CEP112: variants seen among roughly 807,000 people sequenced by gnomAD.
The protein encoded by CEP112 is centrosomal protein of 112 kDa.
A neutral mutation model predicts 153.0 loss-of-function variants in CEP112; 127 were observed. The observed-to-expected ratio is 0.83, with a 90% CI of 0.72 to 0.96. The LOEUF is 0.96. Ranked by LOEUF, CEP112 falls within the 40% of genes least tolerant of loss-of-function variation. The probability of loss-of-function intolerance (pLI) is 0.00; values close to 1 mark genes in which losing one functional copy is unlikely to be tolerated. For synonymous variants in CEP112, 358 were observed against 374.4 expected (o/e 0.96, Z 0.51); for missense variants, 1,089 against 1,101.2 (o/e 0.99, Z 0.16).
chr17:65,637,685 TCTATTA>T (rs2044851914), intron 25 of CEP112, among the ~76,000 whole-genome samples: 1 of 152,190 alleles, frequency 6.6e-6, no homozygotes, highest in African/African-American at 2.4e-5. Flanking sequence ...GTTCCTCCCC[TCTATTA>T]CTGGTACTTC....
chr17:66,078,715 G>A (rs753350746), intron 8 of CEP112, among the ~76,000 whole-genome samples: 1 of 151,842 alleles, frequency 6.6e-6, no homozygotes, highest in East Asian at 1.9e-4. Context: ...TTGTTTTACA[G>A]GTCCTGTGTG....
intron 18 of CEP112, among the ~76,000 whole-genome samples, chr17:65,953,138 C>T (rs1045666960): frequency 6.6e-6 from 1 of 151,950 alleles, no homozygotes; most frequent in Non-Finnish European, 1.5e-5. Flanking sequence ...ATGTAGCAAT[C>T]TTAACTGAAA....
chr17:65,701,898 G>GTT lies in CEP112; in HGVS notation c.2608-12682_2608-12681dup, dbSNP rs869242758. On this transcript the variant is annotated intron_variant, in intron 23 of 26. Coordinates refer to ENST00000535342, the MANE Select transcript of CEP112 (RefSeq NM_001199165.4). ...ATTCCTTCAACTTCTTTTTTTTTTT[G>GTT]TTTTTTTTTTTTTTTTTTGAGACGG... is the stretch of plus-strand genomic sequence containing the variant. Among the ~76,000 whole-genome samples the GTT allele has an allele frequency of 2.2e-3, 257 of 116,014 alleles. 1 individual carries two copies. Among genetic ancestry groups the GTT allele is most frequent in the Non-Finnish European group, 2.6e-3 (140 of 54,724 alleles). 76.1% of individuals were successfully genotyped at this position (116,014 alleles called of 152,430 possible).
chr17:65,672,843 T>C (rs1015321789), intron 24 of CEP112, among the ~76,000 whole-genome samples: 7 of 152,178 alleles, frequency 4.6e-5, no homozygotes, highest in Non-Finnish European at 1.0e-4. Flanking sequence ...AATGATGGCA[T>C]TTCCAAAAAA....
intron 7 of CEP112, 98 bp from the exon 8 acceptor site, chr17:66,096,426 A>G: frequency 8.2e-7 from 1 of 1,225,086 alleles, no homozygotes; most frequent in East Asian, 2.3e-5. Context: ...GTACCAAAAT[A>G]GTACTAACAC....
intron 23 of CEP112, among the ~76,000 whole-genome samples, chr17:65,692,599 C>T (rs2048165135): frequency 6.6e-6 from 1 of 152,108 alleles, no homozygotes; most frequent in Non-Finnish European, 1.5e-5. Context: ...TGCCTCTTTC[C>T]CACTCTGTAC....
At chr17:66,124,455 A>G (rs564436820) in intron 6 of CEP112, among the ~76,000 whole-genome samples, 1 of 152,320 alleles carries the variant, frequency 6.6e-6, no homozygotes, top group African/African-American at 2.4e-5. Context: ...TTGCATGAAG[A>G]GAGGTTTCTT....
At chr17:65,979,114 G>A (rs549459678) in intron 17 of CEP112, among the ~76,000 whole-genome samples, 1 of 152,164 alleles carries the variant, frequency 6.6e-6, no homozygotes, top group African/African-American at 2.4e-5. Context: ...GGTTGCAGAT[G>A]CTCAAGCAGA....
rs1442136000 is a variant in CEP112 at position 65,867,505 on chromosome 17, G to A, written c.2164-15471C>T. ...CTCCAGGACCATACAGTAATTCAAA[G>A]TCATTATTACAAAGACCAATTATCA... On this transcript the variant is annotated intron_variant, in intron 20 of 26. Coordinates refer to ENST00000535342, the MANE Select transcript of CEP112 (RefSeq NM_001199165.4). Among the ~76,000 whole-genome samples the A allele has an allele frequency of 2.0e-5, 3 of 152,084 alleles. No individual in the cohort carries two copies. In the East Asian group the frequency reaches 5.8e-4, roughly 29 times the overall value.
At chr17:66,079,315 T>C (rs541421431) in intron 8 of CEP112, among the ~76,000 whole-genome samples, 1 of 152,260 alleles carries the variant, frequency 6.6e-6, no homozygotes, top group East Asian at 1.9e-4. Context: ...ACAAGGTTAT[T>C]CATAGAATTA....
rs138908696 is a variant in CEP112 at position 65,849,033 on chromosome 17, C to G, written c.2394+2771G>C. Among the ~76,000 whole-genome samples, 32 of 152,262 alleles carry G rather than the reference C, an allele frequency of 2.1e-4. No individual in the cohort carries two copies. The East Asian group carries it at 6.2e-3, about 29-fold the overall frequency. On this transcript the variant is annotated intron_variant, in intron 21 of 26. Transcript: ENST00000535342. ...TCTTGACACTTCATTTCCCCAAAACCTTTGGCAACTCCTCACTGTTTACCC... is the reference window on the plus strand; with the variant it reads ...TCTTGACACTTCATTTCCCCAAAACGTTTGGCAACTCCTCACTGTTTACCC...
chr17:65,929,306 T>C (rs749125650), intron 18 of CEP112, among the ~76,000 whole-genome samples: 4 of 152,136 alleles, frequency 2.6e-5, no homozygotes, highest in Non-Finnish European at 5.9e-5. Context: ...CCCAGTGACC[T>C]CTCACAGCTC....
chr17:65,860,755 T>C (rs956854862), intron 20 of CEP112, among the ~76,000 whole-genome samples: 5 of 152,330 alleles, frequency 3.3e-5, no homozygotes, highest in African/African-American at 1.2e-4. Context: ...CATTTTTAGG[T>C]CTATATCCAA....
chr17:65,640,157 T>A (rs761382809), intron 25 of CEP112, among the ~76,000 whole-genome samples: 12,658 of 125,454 alleles, frequency 0.1, 668 homozygotes, highest in African/African-American at 0.11. Context: ...TATATATATT[T>A]TTTTTTTTTT....
intron 20 of CEP112, among the ~76,000 whole-genome samples, chr17:65,879,897 A>T (rs1300562906): frequency 6.6e-6 from 1 of 151,692 alleles, no homozygotes; most frequent in African/African-American, 2.4e-5. Flanking sequence ...GAGGTTCAAT[A>T]TACAACTGAC....
intron 23 of CEP112, among the ~76,000 whole-genome samples, chr17:65,738,313 G>A (rs758517905): frequency 6.6e-6 from 1 of 152,186 alleles, no homozygotes; most frequent in Non-Finnish European, 1.5e-5. Context: ...AAGGTAGGAG[G>A]TGGCAGGGAA....
At chr17:65,743,707 T>C (rs1291835565) in intron 22 of CEP112, among the ~76,000 whole-genome samples, 1 of 152,230 alleles carries the variant, frequency 6.6e-6, no homozygotes, top group Non-Finnish European at 1.5e-5. Flanking sequence ...CTTTAAGTTC[T>C]TATGTCATTT....
At position 65,993,126 on chromosome 17, in the gene CEP112, G is replaced by A. The variant is rs9896715; in HGVS notation, c.1736+12564C>T. On this transcript the variant is annotated intron_variant, in intron 17 of 26. Transcript: ENST00000535342. ...CCCCTAACAGGGCCCAGTGTGTGTT[G>A]TTCCTCTCCCTATGTCCATGTGATC... is the stretch of plus-strand genomic sequence containing the variant. 6.0e-3 allele frequency among the ~76,000 whole-genome samples: 920 copies of A among 152,138 alleles called. 11 individuals carry two copies. Among genetic ancestry groups the A allele is most frequent in the African/African-American group, 0.021 (874 of 41,494 alleles).
intron 14 of CEP112, 112 bp downstream of exon 14, chr17:66,029,011 A>C (rs1359613587): frequency 1.2e-6 from 1 of 830,272 alleles, no homozygotes; most frequent in African/African-American, 1.7e-5. Flanking sequence ...TTTAAGAATA[A>C]AGTGAAAGAG....
Sources: gnomAD v4.1 joint callset for allele counts (sites outside exome capture counted in the v4.1 genomes callset) on GRCh38, gnomAD v4.1.1 for gene constraint, MANE v1.5 for transcripts, NCBI Gene and HGNC (gene_info 2026-07-23, HGNC 2026-07-21) for gene names.